Variants in CACNB4 observed in about 807,000 individuals in gnomAD.
CACNB4 encodes calcium voltage-gated channel auxiliary subunit beta 4.
CACNB4 carries 32 observed loss-of-function variants against 71.2 expected under a neutral mutation model. The observed-to-expected ratio is 0.45, with a 90% confidence interval of 0.34 to 0.60. The LOEUF is 0.60. CACNB4 is among the 20% of genes least tolerant of loss of function. CACNB4 has a pLI of 0.01. For missense variants in CACNB4, 464 were observed against 647.9 expected, an observed-to-expected ratio of 0.72 and a Z score of 3.08; for synonymous variants, 231 against 236.9, an observed-to-expected ratio of 0.97 and a Z score of 0.23.
chr2:152,034,577 CA>C (rs1323590590), intron 2 of CACNB4, among the ~76,000 whole-genome samples: 17 of 152,226 alleles, frequency 1.1e-4, no homozygotes, highest in African/African-American at 2.9e-4. Flanking sequence ...TCATGAAAAG[CA>C]TCGCATAAAT....
chr2:152,067,857 A>G (rs1686432898), intron 2 of CACNB4, among the ~76,000 whole-genome samples: 1 of 152,196 alleles, frequency 6.6e-6, no homozygotes. Context: ...CTTGAATGAC[A>G]TAGGGTCAAT....
At chr2:151,977,830 C>G (rs947061666) in intron 2 of CACNB4, among the ~76,000 whole-genome samples, 1 of 152,216 alleles carries the variant, frequency 6.6e-6, no homozygotes, top group African/African-American at 2.4e-5. Context: ...TCAGCCAAGG[C>G]TAGCCCTCCT....
intron 2 of CACNB4, among the ~76,000 whole-genome samples, chr2:151,951,314 A>C (rs2099866864): frequency 1.3e-5 from 2 of 152,062 alleles, no homozygotes; most frequent in African/African-American, 2.4e-5. Flanking sequence ...ACTAATAACC[A>C]AATGTCACCC....
chr2:152,067,806 A>T (rs1686430437), intron 2 of CACNB4, among the ~76,000 whole-genome samples: 1 of 152,210 alleles, frequency 6.6e-6, no homozygotes, highest in South Asian at 2.1e-4. Context: ...GATGAGGTAC[A>T]TATGGAAAGG....
intron 2 of CACNB4, among the ~76,000 whole-genome samples, chr2:152,026,388 T>TC: frequency 6.6e-6 from 1 of 152,050 alleles, no homozygotes; most frequent in East Asian, 1.9e-4. Flanking sequence ...CCTTTTTTTT[T>TC]TTTTCTTCTT....
At chr2:151,999,691 T>C (rs1682285577) in intron 2 of CACNB4, among the ~76,000 whole-genome samples, 1 of 152,172 alleles carries the variant, frequency 6.6e-6, no homozygotes. Flanking sequence ...AATAAATCAT[T>C]AGCAGCCATT....
At chr2:151,950,278 T>C (rs1301373314) in intron 2 of CACNB4, among the ~76,000 whole-genome samples, 1 of 152,176 alleles carries the variant, frequency 6.6e-6, no homozygotes, top group Non-Finnish European at 1.5e-5. Context: ...TGTACATTTT[T>C]AGCCTTGTTC....
At chr2:151,968,412 A>C (rs1475551885) in intron 2 of CACNB4, 1 of 152,218 alleles carries the variant, frequency 6.6e-6, no homozygotes, top group Non-Finnish European at 1.5e-5. Context: ...ATCTGAGTTC[A>C]TGGCTTCATG....
chr2:152,095,526 T>G (rs1189911757), intron 2 of CACNB4, among the ~76,000 whole-genome samples: 2 of 152,158 alleles, frequency 1.3e-5, no homozygotes, highest in Non-Finnish European at 2.9e-5. Context: ...TTTTTTGGTA[T>G]TCCACTATCT....
chr2:151,871,040 T>C (rs2099844488), intron 6 of CACNB4, 179 bp from the exon 7 acceptor site: 2 of 608,344 alleles, frequency 3.3e-6, no homozygotes, highest in Admixed American at 3.0e-5. Context: ...ATTTTGAAGA[T>C]GTATGAAAAA....
chr2:151,877,144 A>G (rs954728568), intron 4 of CACNB4, among the ~76,000 whole-genome samples: 1 of 149,756 alleles, frequency 6.7e-6, no homozygotes, highest in Non-Finnish European at 1.5e-5. Flanking sequence ...ATATATATAT[A>G]TCTGAGGTAG....
At chr2:152,051,740 T>G (rs1041580937) in intron 2 of CACNB4, among the ~76,000 whole-genome samples, 3 of 152,174 alleles carry the variant, frequency 2.0e-5, no homozygotes, top group African/African-American at 7.2e-5. Context: ...AAGCCACCCA[T>G]CTATGGTAAT....
At chr2:152,029,923 G>C (rs545757166) in intron 2 of CACNB4, among the ~76,000 whole-genome samples, 3 of 152,300 alleles carry the variant, frequency 2.0e-5, no homozygotes, top group Admixed American at 2.0e-4. Flanking sequence ...ATAAATTCCT[G>C]TTGTTTAAGC....
At chr2:152,008,395 T>C (rs1682854521) in intron 2 of CACNB4, among the ~76,000 whole-genome samples, 2 of 152,014 alleles carry the variant, frequency 1.3e-5, no homozygotes, top group Non-Finnish European at 2.9e-5. Flanking sequence ...CAAGTGATTC[T>C]CTTGCCTCAG....
intron 5 of CACNB4, 125 bp from the exon 6 acceptor site, chr2:151,872,618 A>G: frequency 1.7e-6 from 1 of 587,838 alleles, no homozygotes; most frequent in Non-Finnish European, 3.0e-6. Flanking sequence ...ATTCTGCTAT[A>G]AAGAATTTCA....
chr2:151,953,705 CT>C (rs2099867505), intron 2 of CACNB4, among the ~76,000 whole-genome samples: 1 of 152,204 alleles, frequency 6.6e-6, no homozygotes, highest in Admixed American at 6.5e-5. Flanking sequence ...ATGCACAGAT[CT>C]CCTCCTGATT....
At chr2:152,088,325 GA>G (rs1290300295) in intron 2 of CACNB4, among the ~76,000 whole-genome samples, 10 of 152,046 alleles carry the variant, frequency 6.6e-5, no homozygotes, top group Admixed American at 6.6e-4. Context: ...AAAGGAAGAC[GA>G]TATATTTATC....
intron 2 of CACNB4, among the ~76,000 whole-genome samples, chr2:152,090,119 G>A (rs915303499): frequency 2.0e-5 from 3 of 152,228 alleles, no homozygotes; most frequent in African/African-American, 7.2e-5. Context: ...GATGAGTATG[G>A]ACAATGCCAA....
chr2:152,068,496 A>G (rs1342143052), intron 2 of CACNB4, among the ~76,000 whole-genome samples: 1 of 152,202 alleles, frequency 6.6e-6, no homozygotes, highest in Non-Finnish European at 1.5e-5. Flanking sequence ...GAGGAAGATC[A>G]TCGGGAGTGG....
Sources: gnomAD v4.1 joint callset for allele counts (sites outside exome capture counted in the v4.1 genomes callset) on GRCh38, gnomAD v4.1.1 for gene constraint, MANE v1.5 for transcripts, NCBI Gene and HGNC (gene_info 2026-07-23, HGNC 2026-07-21) for gene names.